ADAMTSL1: variants seen among roughly 807,000 people sequenced by gnomAD.
ADAMTSL1 encodes ADAMTS like 1, also known as ADAMTS-like protein 1.
In ADAMTSL1, 126 loss-of-function variants were observed where a neutral mutation model predicts 201.8. The ratio of observed to expected loss-of-function variants is 0.62; its 90% CI spans 0.54 to 0.72. The LOEUF is 0.72. Ranked by LOEUF, ADAMTSL1 falls within the 30% of genes least tolerant of loss-of-function variation. The pLI is 0.00. For missense variants in ADAMTSL1, 2,679 were observed against 2,277.8 expected, an observed-to-expected ratio of 1.18 and a Z score of -3.59; for synonymous variants, 1,121 against 903.4, an observed-to-expected ratio of 1.24 and a Z score of -4.32.
In ADAMTSL1 at chr9:18,128,588, G is replaced by C. The variant is rs147022979; in HGVS notation, c.88-35274G>C. Among the ~76,000 whole-genome samples the C allele has an allele frequency of 6.5e-4, 99 of 152,252 alleles. No homozygotes were observed. In the East Asian group the frequency reaches 0.018, roughly 28 times the overall value. The stretch of plus-strand genomic sequence containing the variant: ...AGCCTCCCAAAGCGCTGGGATTATA[G>C]GTGTGAGCCACAGTGCCTGGCCCGA... On this transcript the variant is annotated intron_variant, in intron 1 of 29. Coordinates refer to the ADAMTSL1 transcript ENST00000680146.
At chr9:18,408,094 G>T (rs1360455893) in intron 2 of ADAMTSL1, among the ~76,000 whole-genome samples, 1 of 152,168 alleles carries the variant, frequency 6.6e-6, no homozygotes, top group Non-Finnish European at 1.5e-5. Flanking sequence ...ATAGCCTATG[G>T]CTAAAGATAG....
intron 2 of ADAMTSL1, among the ~76,000 whole-genome samples, chr9:18,316,556 G>T (rs559296872): frequency 6.6e-6 from 1 of 152,008 alleles, no homozygotes; most frequent in African/African-American, 2.4e-5. Context: ...GCTCTGTTCC[G>T]CCTGGCTCAC....
At chr9:18,483,643 C>T (rs545426549) in intron 1 of ADAMTSL1, among the ~76,000 whole-genome samples, 108 of 152,184 alleles carry the variant, frequency 7.1e-4, no homozygotes, top group Non-Finnish European at 1.2e-3. Context: ...CTCGCTAACA[C>T]GGTGAAACCC....
chr9:18,508,438 C>G (rs1182958046), intron 2 of ADAMTSL1, among the ~76,000 whole-genome samples: 1 of 152,146 alleles, frequency 6.6e-6, no homozygotes, highest in Non-Finnish European at 1.5e-5. Context: ...GATTTATAGT[C>G]TCCTCCATAT....
chr9:18,352,569 C>T (rs1223906423), intron 2 of ADAMTSL1, among the ~76,000 whole-genome samples: 1 of 152,128 alleles, frequency 6.6e-6, no homozygotes, highest in African/African-American at 2.4e-5. Context: ...CTTTCTATCC[C>T]AGTGTTAATG....
intron 4 of ADAMTSL1, among the ~76,000 whole-genome samples, chr9:18,609,731 C>G (rs1825263528): frequency 6.6e-6 from 1 of 151,954 alleles, no homozygotes; most frequent in Non-Finnish European, 1.5e-5. Context: ...CTAAAATAAT[C>G]AACACACAGG....
At chr9:18,142,783 A>T (rs940849106) in intron 1 of ADAMTSL1, among the ~76,000 whole-genome samples, 1 of 152,210 alleles carries the variant, frequency 6.6e-6, no homozygotes, top group African/African-American at 2.4e-5. Context: ...GACCCAGGCC[A>T]TATGTATGTG....
intron 1 of ADAMTSL1, among the ~76,000 whole-genome samples, chr9:18,475,231 T>C (rs1286258431): frequency 6.6e-6 from 1 of 152,228 alleles, no homozygotes; most frequent in Non-Finnish European, 1.5e-5. Flanking sequence ...ATGCCAGAAC[T>C]TCCTCAGAAG....
intron 2 of ADAMTSL1, among the ~76,000 whole-genome samples, chr9:18,358,066 T>C (rs1836334191): frequency 6.6e-6 from 1 of 152,228 alleles, no homozygotes; most frequent in African/African-American, 2.4e-5. Context: ...GTTCAAATCC[T>C]GGCTGTTCCG....
chr9:18,026,029 T>C (rs1331381833), intron 1 of ADAMTSL1, among the ~76,000 whole-genome samples: 2 of 151,886 alleles, frequency 1.3e-5, no homozygotes, highest in Non-Finnish European at 2.9e-5. Context: ...GATTGCATCC[T>C]TGATTTGGCT....
In ADAMTSL1 at chr9:18,725,591, C is replaced by A. The variant is rs1276448039; in HGVS notation, c.2006+3926C>A. On this transcript the variant is annotated intron_variant, in intron 15 of 28. Coordinates refer to ENST00000380548, the MANE Select transcript of ADAMTSL1 (RefSeq NM_001040272.6). The stretch of plus-strand genomic sequence containing the variant: ...TAAGATCAGTCATTAAAAAAGAAAT[C>A]AGCCTCCTATTCCTAATAAGGAGGT... 3.9e-5 allele frequency among the ~76,000 whole-genome samples: 6 copies of A among 152,244 alleles called. No homozygotes were observed. In the East Asian group the frequency reaches 9.7e-4, roughly 25 times the overall value.
chr9:18,229,500 TA>T (rs35490524), intron 2 of ADAMTSL1, among the ~76,000 whole-genome samples: 33,616 of 151,720 alleles, frequency 0.22, 3,841 homozygotes, highest in Middle Eastern at 0.26. Flanking sequence ...GAACTTTCTA[TA>T]AAAAAACTCT....
chr9:17,960,859 C>G (rs1817721889), intron 1 of ADAMTSL1, among the ~76,000 whole-genome samples: 1 of 152,180 alleles, frequency 6.6e-6, no homozygotes, highest in Non-Finnish European at 1.5e-5. Context: ...AGTAAATGCG[C>G]AGTGAACAGT....
chr9:18,090,712 G>A (rs929617655), intron 1 of ADAMTSL1, among the ~76,000 whole-genome samples: 36 of 152,122 alleles, frequency 2.4e-4, no homozygotes, highest in Admixed American at 2.4e-3. Flanking sequence ...TAATACCAGA[G>A]AACTGTACAC....
intron 25 of ADAMTSL1, among the ~76,000 whole-genome samples, chr9:18,892,074 C>G (rs1829311332): frequency 6.6e-6 from 1 of 152,228 alleles, no homozygotes; most frequent in African/African-American, 2.4e-5. Flanking sequence ...TCTCCTCCTC[C>G]ACCTCTCTGT....
intron 9 of ADAMTSL1, 148 bp from the exon 10 acceptor site, chr9:18,675,709 T>C: frequency 1.4e-6 from 1 of 692,860 alleles, no homozygotes; most frequent in Non-Finnish European, 2.4e-6. Flanking sequence ...GGCATAAAGA[T>C]ATAAAACTGT....
intron 2 of ADAMTSL1, among the ~76,000 whole-genome samples, chr9:18,354,179 T>A (rs537745586): frequency 1.3e-5 from 2 of 151,574 alleles, no homozygotes; most frequent in Admixed American, 6.6e-5. Context: ...AATACATATT[T>A]ATATTATCTT....
chr9:18,270,001 A>T (rs1587436375), intron 2 of ADAMTSL1, among the ~76,000 whole-genome samples: 1 of 152,112 alleles, frequency 6.6e-6, no homozygotes, highest in Non-Finnish European at 1.5e-5. Context: ...CCGTCTCTAC[A>T]AGACTCCTTC....
At chr9:18,550,480 GT>G (rs1820732447) in intron 3 of ADAMTSL1, among the ~76,000 whole-genome samples, 1 of 151,926 alleles carries the variant, frequency 6.6e-6, no homozygotes, top group Non-Finnish European at 1.5e-5. Flanking sequence ...CCGCAGAGAA[GT>G]TTCTAGGAGC....
Sources: gnomAD v4.1 joint callset for allele counts (sites outside exome capture counted in the v4.1 genomes callset) on GRCh38, gnomAD v4.1.1 for gene constraint, MANE v1.5 for transcripts, NCBI Gene and HGNC (gene_info 2026-07-23, HGNC 2026-07-21) for gene names.